The following LRRC36 variants were observed in gnomAD, a reference collection of about 807,000 sequenced individuals.
LRRC36 encodes leucine-rich repeat-containing protein 36.
In LRRC36, 62 loss-of-function variants were observed where a neutral mutation model predicts 81.1. That is an observed-to-expected ratio of 0.76 (90% CI 0.62 to 0.94). The LOEUF is 0.94. Among genes scored for constraint, LRRC36 ranks in the 40% least tolerant of loss-of-function variants. The pLI, the probability that LRRC36 is intolerant of heterozygous loss-of-function variation, is 0.00. For synonymous variants in LRRC36, 334 were observed against 348.6 expected (o/e 0.96, Z 0.47); for missense variants, 761 against 881.7 (o/e 0.86, Z 1.73).
At chr16:67,328,369 G>A (rs1029242650) in intron 1 of LRRC36, among the ~76,000 whole-genome samples, 2 of 151,846 alleles carry the variant, frequency 1.3e-5, no homozygotes, top group Non-Finnish European at 2.9e-5. Context: ...AAAAATTAGC[G>A]GAGCATGGTG....
chr16:67,355,249 A>T (rs1350728105), intron 5 of LRRC36, among the ~76,000 whole-genome samples: 1 of 151,962 alleles, frequency 6.6e-6, no homozygotes, highest in Non-Finnish European at 1.5e-5. Flanking sequence ...TGTGGGCATA[A>T]GTTTTCAACT....
At chr16:67,341,035 T>TGTAC (rs2038035758) in intron 1 of LRRC36, among the ~76,000 whole-genome samples, 1 of 126,424 alleles carries the variant, frequency 7.9e-6, no homozygotes, top group African/African-American at 3.0e-5. Flanking sequence ...ACTCTACATA[T>TGTAC]TCTATAGAAT....
intron 8 of LRRC36, among the ~76,000 whole-genome samples, chr16:67,370,537 G>T (rs1390697144): frequency 1.3e-5 from 2 of 151,506 alleles, no homozygotes; most frequent in African/African-American, 4.9e-5. Flanking sequence ...GGAGGCTGGG[G>T]CAGGAGAATA....
rs996406133 is a variant in LRRC36, at chr16:67,373,870, G to A, written c.1495-1377G>A. On this transcript the variant is annotated intron_variant, in intron 9 of 13. Transcript: ENST00000329956. ...CCACTAAAAATACAAAAATTAGCTG[G>A]GCATGGTGGTGCACACCTATTATCC... Among the ~76,000 whole-genome samples, 4 of 152,020 alleles carry A rather than the reference G, an allele frequency of 2.6e-5. No individual in the cohort carries two copies. The East Asian group carries it at 5.8e-4, about 22-fold the overall frequency.
rs752290214 is a variant in LRRC36 at position 67,367,060 on chromosome 16, A to G, written c.798A>G (p.Pro266=). 1.2e-6 allele frequency: 2 copies of G among 1,613,990 alleles called. No homozygotes were observed. The highest frequency in any genetic ancestry group is 3.3e-5 in the Admixed American group (2 of 60,006). Residue 266 remains proline, a synonymous_variant, in exon 8 of 14, where the codon CCA becomes CCG. Coordinates refer to ENST00000329956, the MANE Select transcript of LRRC36 (RefSeq NM_018296.6). ...CTCGTCAGTCCACAGTCCGATCCCC[A>G]GAGAAGATGACTAGAGAAGGGTACC... is the stretch of plus-strand genomic sequence containing the variant. ...YSPRQSTVRS[P]EKMTREGYQV...
chr16:67,365,760 T>C (rs965720215), intron 7 of LRRC36, among the ~76,000 whole-genome samples: 1 of 152,198 alleles, frequency 6.6e-6, no homozygotes, highest in African/African-American at 2.4e-5. Context: ...CCTTAAGTCT[T>C]CTTTTGGATA....
At position 67,343,843 on chromosome 16, in the gene LRRC36, G is replaced by A. The variant is rs556021926; in HGVS notation, c.198+1759G>A. Reference sequence around the variant, plus strand: ...TTTTATTTATTTTTTTTGAGACAGAGTCTCACTCTGTCGTCCAGGTTGGAG... The same window carrying A: ...TTTTATTTATTTTTTTTGAGACAGAATCTCACTCTGTCGTCCAGGTTGGAG... On this transcript the variant is annotated intron_variant, in intron 2 of 13. Transcript: ENST00000329956. Among the ~76,000 whole-genome samples, 13 of 151,932 alleles carry A rather than the reference G, an allele frequency of 8.6e-5. No individual in the cohort carries two copies. The South Asian group carries it at 2.7e-3, about 32-fold the overall frequency.
chr16:67,359,728 A>G (rs887058018), intron 5 of LRRC36, among the ~76,000 whole-genome samples: 1 of 152,234 alleles, frequency 6.6e-6, no homozygotes, highest in South Asian at 2.1e-4. Context: ...ACAAGTTTGT[A>G]TCTTAAGTGA....
chr16:67,366,934 T>C, intron 7 of LRRC36, 83 bp from the exon 8 acceptor site: 1 of 1,046,818 alleles, frequency 9.6e-7, no homozygotes, highest in East Asian at 2.4e-5. Flanking sequence ...AGACAGAGAA[T>C]ATGTTCAGTG....
At chr16:67,350,391 C>A (rs1255152360) in intron 5 of LRRC36, 101 bp downstream of exon 5, 6 of 979,706 alleles carry the variant, frequency 6.1e-6, no homozygotes, top group Non-Finnish European at 9.5e-6. Context: ...TGAGAAAGAA[C>A]CAATTTGAAG....
chr16:67,333,167 C>T, intron 1 of LRRC36, among the ~76,000 whole-genome samples: 1 of 152,032 alleles, frequency 6.6e-6, no homozygotes. Context: ...AGAATCTTGC[C>T]CTATTGCCCA....
At chr16:67,338,668 C>A (rs989862744) in intron 1 of LRRC36, among the ~76,000 whole-genome samples, 1 of 151,854 alleles carries the variant, frequency 6.6e-6, no homozygotes, top group Non-Finnish European at 1.5e-5. Context: ...ACACATTGGT[C>A]ATTTGAAAAA....
rs1454615326 is a variant in LRRC36, at chr16:67,367,291, G to C, written c.1029G>C (p.Leu343=). 2 of 1,614,140 alleles carry C rather than the reference G, an allele frequency of 1.2e-6. No homozygotes were observed. The highest frequency in any genetic ancestry group is 2.2e-5 in the South Asian group (2 of 91,080). The change falls in exon 8 of 14, where the codon CTG becomes CTC. Residue 343 remains leucine (L), a synonymous_variant. Transcript: ENST00000329956. The part of the protein sequence containing the change: ...YDSCYSQTLS[L]HGSLGKRPQR... ...GTTGTTATTCTCAAACTCTATCCCT[G>C]CATGGAAGTCTTGGTAAAAGGCCTC...
intron 5 of LRRC36, among the ~76,000 whole-genome samples, chr16:67,358,213 A>G (rs577898708): frequency 6.6e-6 from 1 of 152,000 alleles, no homozygotes; most frequent in Non-Finnish European, 1.5e-5. Context: ...ATATGACACA[A>G]AAAACAACCA....
chr16:67,362,251 C>T (rs770312132), intron 5 of LRRC36: 33 of 449,606 alleles, frequency 7.3e-5, no homozygotes, highest in Middle Eastern at 7.1e-4. Flanking sequence ...CAACCTCTAC[C>T]TCCTGGGTTC....
At position 67,362,202 on chromosome 16, in the gene LRRC36, G is replaced by A. The variant is rs890941880; in HGVS notation, c.578-1388G>A. On this transcript the variant is annotated intron_variant, in intron 5 of 13. Transcript: ENST00000329956. ...TCCCGAGAAAGAGTCTTGCTCTGTC[G>A]CCCAGACTGGAGTGCTGTGGCGCGA... 18 of 452,052 alleles carry A rather than the reference G, an allele frequency of 4.0e-5. No homozygotes were observed. In the East Asian group the frequency reaches 7.1e-4, roughly 18 times the overall value. 28.0% of individuals were successfully genotyped at this position (452,052 alleles called of 1,614,324 possible).
intron 5 of LRRC36, among the ~76,000 whole-genome samples, chr16:67,351,415 A>G (rs2038626379): frequency 1.3e-5 from 2 of 152,074 alleles, no homozygotes; most frequent in Admixed American, 6.6e-5. Context: ...TTGTGATAAA[A>G]TGAGACACGG....
intron 5 of LRRC36, among the ~76,000 whole-genome samples, chr16:67,356,092 C>T (rs1249904551): frequency 6.6e-6 from 1 of 152,146 alleles, no homozygotes; most frequent in Non-Finnish European, 1.5e-5. Context: ...CCTGTAGGTA[C>T]TAGTTGAAAC....
At chr16:67,374,012 CA>C (rs2039775745) in intron 9 of LRRC36, among the ~76,000 whole-genome samples, 1 of 151,586 alleles carries the variant, frequency 6.6e-6, no homozygotes, top group Non-Finnish European at 1.5e-5. Flanking sequence ...GACTCTATCT[CA>C]AAAAATAAAT....
Sources: allele counts gnomAD v4.1 joint callset (sites outside exome capture counted in the v4.1 genomes callset), GRCh38; gene constraint gnomAD v4.1.1; transcripts MANE v1.5; gene names NCBI Gene and HGNC (gene_info 2026-07-23, HGNC 2026-07-21).